Variants in HS6ST2 observed in about 807,000 individuals in gnomAD.
HS6ST2 encodes the protein heparan-sulfate 6-O-sulfotransferase 2.
A neutral mutation model predicts 33.0 loss-of-function variants in HS6ST2; 17 were observed. The ratio of observed to expected loss-of-function variants is 0.52; its 90% CI spans 0.35 to 0.77. HS6ST2 has a LOEUF of 0.77. Among genes scored for constraint, HS6ST2 ranks in the 30% least tolerant of loss-of-function variants. HS6ST2 has a pLI of 0.01. For synonymous variants in HS6ST2, 248 were observed against 237.1 expected (o/e 1.05, Z -0.42); for missense variants, 519 against 551.7 (o/e 0.94, Z 0.59).
intron 2 of HS6ST2, among the ~76,000 whole-genome samples, chrX:132,935,073 T>C (rs1174048860): frequency 9.0e-6 from 1 of 111,570 alleles, no homozygotes; most frequent in Non-Finnish European, 1.9e-5. Flanking sequence ...ATTATAAATA[T>C]ATATGCAGCT....
At chrX:132,738,557 C>T (rs745423527) in intron 2 of HS6ST2, among the ~76,000 whole-genome samples, 3 of 112,781 alleles carry the variant, frequency 2.7e-5, no homozygotes, top group Non-Finnish European at 5.6e-5. Flanking sequence ...ACTGCTATGA[C>T]ATTGAAGCTG....
At chrX:132,756,723 C>T (rs1165552057) in intron 2 of HS6ST2, among the ~76,000 whole-genome samples, 1 of 110,571 alleles carries the variant, frequency 9.0e-6, no homozygotes, top group Non-Finnish European at 1.9e-5. Context: ...TGTGATCTCG[C>T]TTTCTTTATT....
intron 2 of HS6ST2, among the ~76,000 whole-genome samples, chrX:132,738,420 C>T (rs2064530192): frequency 1.8e-5 from 2 of 112,185 alleles, no homozygotes; most frequent in South Asian, 7.5e-4. Context: ...TTTCCCAAGG[C>T]GGGATGCAGA....
chrX:132,894,018 G>A (rs988536229), intron 2 of HS6ST2, among the ~76,000 whole-genome samples: 1 of 110,326 alleles, frequency 9.1e-6, no homozygotes, highest in Admixed American at 9.7e-5. Context: ...TACACTTCTG[G>A]CAATCAGCAA....
chrX:132,764,753 A>G (rs750403243), intron 2 of HS6ST2, among the ~76,000 whole-genome samples: 2 of 112,069 alleles, frequency 1.8e-5, no homozygotes, highest in Non-Finnish European at 3.8e-5. Flanking sequence ...TTCTTTCTCC[A>G]AGAAACAAAG....
chrX:132,947,388 T>A (rs977108796), intron 2 of HS6ST2, among the ~76,000 whole-genome samples: 1 of 110,954 alleles, frequency 9.0e-6, no homozygotes, highest in African/African-American at 3.3e-5. Context: ...TGAAAAAAAA[T>A]CAGATTTTAT....
At chrX:132,762,819 T>C (rs1397833483) in intron 2 of HS6ST2, among the ~76,000 whole-genome samples, 1 of 111,485 alleles carries the variant, frequency 9.0e-6, no homozygotes, top group East Asian at 2.8e-4. Flanking sequence ...TCTTAATGTT[T>C]TTGGAAAGGG....
intron 2 of HS6ST2, among the ~76,000 whole-genome samples, chrX:132,805,432 C>T (rs969426765): frequency 1.9e-5 from 2 of 104,375 alleles, no homozygotes; most frequent in Non-Finnish European, 4.2e-5. Context: ...AGCCTCCCTG[C>T]CTCCCCCATC....
rs36028236 is a variant in HS6ST2, at chrX:132,708,299, T to TAAAAA, written c.980+158_980+162dup. 1.1e-3 allele frequency among the ~76,000 whole-genome samples: 24 copies of TAAAAA among 21,210 alleles called. 1 individual carries two copies. The highest frequency in any genetic ancestry group is 1.4e-3 in the African/African-American group (8 of 5,602). The allele number at this position is 21,210 out of a possible 115,157, so 18.4% of individuals were successfully genotyped here. A position where few individuals can be genotyped will look rare whatever the true frequency, so the allele number is the denominator to read the frequency against. On this transcript the variant is annotated intron_variant, in intron 3 of 4. Transcript: ENST00000370833. ...CTGGGTAGTTTCAGCTGTTTTAAACTAAAAAAAAAAAAAAAAAAAAAAAAA... is the reference window on the plus strand; with the variant it reads ...CTGGGTAGTTTCAGCTGTTTTAAACTAAAAAAAAAAAAAAAAAAAAAAAAAAAAAA...
chrX:132,637,875 A>AATATTATATATAATATATTATATATAAT (rs2063569437), intron 4 of HS6ST2, among the ~76,000 whole-genome samples: 1 of 37,033 alleles, frequency 2.7e-5, no homozygotes, highest in African/African-American at 2.0e-4. Flanking sequence ...TATTATATAT[A>AATATTATATATAATATATTATATATAAT]ATATATATAT....
At chrX:132,717,266 A>G (rs972873487) in intron 2 of HS6ST2, among the ~76,000 whole-genome samples, 4 of 112,987 alleles carry the variant, frequency 3.5e-5, no homozygotes, top group East Asian at 2.8e-4. Context: ...GCCAGCCCCA[A>G]ATGAAAAGAG....
chrX:132,796,916 C>T (rs2065185834), intron 2 of HS6ST2, among the ~76,000 whole-genome samples: 1 of 112,156 alleles, frequency 8.9e-6, no homozygotes. Flanking sequence ...TAACTGAGAG[C>T]TTAATGTAAA....
intron 2 of HS6ST2, among the ~76,000 whole-genome samples, chrX:132,891,133 T>C (rs1243213787): frequency 1.8e-5 from 2 of 109,649 alleles, no homozygotes; most frequent in Non-Finnish European, 3.8e-5. Flanking sequence ...CCTCAGAACA[T>C]GTACAAAGAA....
intron 2 of HS6ST2, among the ~76,000 whole-genome samples, chrX:132,771,401 G>A (rs1474761852): frequency 3.6e-5 from 4 of 111,888 alleles, no homozygotes; most frequent in South Asian, 7.4e-4. Context: ...AAGAAGAGGA[G>A]CCAAATCTGT....
intron 2 of HS6ST2, among the ~76,000 whole-genome samples, chrX:132,946,351 A>G (rs973081145): frequency 1.8e-5 from 2 of 112,202 alleles, no homozygotes; most frequent in African/African-American, 6.5e-5. Flanking sequence ...CACAATAGCA[A>G]AGTCTTGGAA....
chrX:132,868,540 C>T (rs1248568574), intron 2 of HS6ST2, among the ~76,000 whole-genome samples: 4 of 111,936 alleles, frequency 3.6e-5, no homozygotes, highest in Non-Finnish European at 7.5e-5. Context: ...GTAAAACATT[C>T]CTCAGCAAAT....
intron 2 of HS6ST2, among the ~76,000 whole-genome samples, chrX:132,952,666 A>C (rs915033381): frequency 9.0e-6 from 1 of 111,675 alleles, no homozygotes; most frequent in African/African-American, 3.3e-5. Flanking sequence ...TTCTCCATCT[A>C]AACAAACACT....
intron 2 of HS6ST2, among the ~76,000 whole-genome samples, chrX:132,886,461 CAT>C (rs1307301065): frequency 9.0e-6 from 1 of 110,921 alleles, no homozygotes; most frequent in Non-Finnish European, 1.9e-5. Flanking sequence ...CATCAAGTAT[CAT>C]GTGATTAATG....
chrX:132,731,482 C>T (rs991010866), intron 2 of HS6ST2, among the ~76,000 whole-genome samples: 9 of 111,400 alleles, frequency 8.1e-5, no homozygotes, highest in African/African-American at 2.9e-4. Flanking sequence ...AGATACATCC[C>T]GAGAGAAATA....
Sources: allele counts gnomAD v4.1 joint callset (sites outside exome capture counted in the v4.1 genomes callset), GRCh38; gene constraint gnomAD v4.1.1; transcripts MANE v1.5; gene names NCBI Gene and HGNC (gene_info 2026-07-23, HGNC 2026-07-21).